The following TOM1L2 variants were observed in gnomAD, a reference collection of about 807,000 sequenced individuals.
The protein encoded by TOM1L2 is TOM1-like protein 2.
TOM1L2 carries 31 observed loss-of-function variants against 67.9 expected under a neutral mutation model. The observed-to-expected ratio is 0.46, with a 90% CI of 0.34 to 0.62. The LOEUF (loss-of-function observed/expected upper bound fraction) is 0.62, where lower values mean the gene tolerates loss of function less well. Among genes scored for constraint, TOM1L2 ranks in the 20% least tolerant of loss-of-function variants. The probability of loss-of-function intolerance (pLI) is 0.01; values close to 1 mark genes in which losing one functional copy is unlikely to be tolerated. For synonymous variants in TOM1L2, 256 were observed against 254.0 expected, an observed-to-expected ratio of 1.01 and a Z score of -0.07; for missense variants, 606 against 663.5, an observed-to-expected ratio of 0.91 and a Z score of 0.95.
At chr17:17,929,229 A>G (rs944581078) in intron 1 of TOM1L2, among the ~76,000 whole-genome samples, 9 of 152,354 alleles carry the variant, frequency 5.9e-5, no homozygotes, top group African/African-American at 2.2e-4. Context: ...AGAAGTGGGC[A>G]GCAACACAGC....
intron 1 of TOM1L2, among the ~76,000 whole-genome samples, chr17:17,937,769 T>C (rs11078407): frequency 0.46 from 70,363 of 152,034 alleles, 17,160 homozygotes; most frequent in East Asian, 0.86. Context: ...ACACCACTCA[T>C]GCAAGAGCAT....
intron 1 of TOM1L2, among the ~76,000 whole-genome samples, chr17:17,927,227 A>C (rs2040129266): frequency 6.6e-6 from 1 of 152,232 alleles, no homozygotes; most frequent in Non-Finnish European, 1.5e-5. Flanking sequence ...GTGGAGTCCA[A>C]AGGGACAGGC....
intron 8 of TOM1L2, 155 bp downstream of exon 8, chr17:17,869,185 T>G: frequency 7.0e-7 from 1 of 1,420,706 alleles, no homozygotes; most frequent in Non-Finnish European, 9.4e-7. Flanking sequence ...GCATTTTTCC[T>G]GTCAGCCGGG....
intron 7 of TOM1L2, among the ~76,000 whole-genome samples, chr17:17,872,775 C>G (rs1413009891): frequency 1.3e-5 from 2 of 152,252 alleles, no homozygotes; most frequent in African/African-American, 2.4e-5. Flanking sequence ...GGACCCACCC[C>G]CTCCAGCAAA....
At chr17:17,929,880 C>T (rs1254640545) in intron 1 of TOM1L2, among the ~76,000 whole-genome samples, 1 of 152,174 alleles carries the variant, frequency 6.6e-6, no homozygotes, top group East Asian at 1.9e-4. Flanking sequence ...AACACTTAGA[C>T]AAGTTAAACA....
In TOM1L2 at chr17:17,935,878, G is replaced by A. The variant is rs757486987; in HGVS notation, c.53-28347C>T. Among the ~76,000 whole-genome samples, 157 of 152,276 alleles carry A rather than the reference G, an allele frequency of 1.0e-3. 1 individual carries two copies. Among genetic ancestry groups the A allele is most frequent in the Admixed American group, 1.8e-3 (28 of 15,300 alleles). On this transcript the variant is annotated intron_variant, in intron 1 of 14. Coordinates refer to ENST00000379504, the MANE Select transcript of TOM1L2 (RefSeq NM_001082968.2). ...ACCTATCAATTTAGCAAATTCTGAG[G>A]AATGACTCACACTGGTGGTGCCTGC...
intron 1 of TOM1L2, among the ~76,000 whole-genome samples, chr17:17,949,445 C>CA (rs2041092865): frequency 1.3e-5 from 2 of 152,208 alleles, no homozygotes; most frequent in Admixed American, 6.5e-5. Flanking sequence ...CCCCTTCCAG[C>CA]AGCTAGAGTC....
At chr17:17,870,044 G>A (rs1033218283) in intron 7 of TOM1L2, 2 of 152,258 alleles carry the variant, frequency 1.3e-5, no homozygotes, top group African/African-American at 4.8e-5. Flanking sequence ...ACATTAATTA[G>A]TAATAGTAAA....
At chr17:17,946,251 C>A (rs2040946267) in intron 1 of TOM1L2, among the ~76,000 whole-genome samples, 1 of 144,550 alleles carries the variant, frequency 6.9e-6, no homozygotes, top group Admixed American at 7.1e-5. Flanking sequence ...TTGAAGTGTA[C>A]AATTCAGTGG....
At chr17:17,879,524 G>A (rs548299884) in intron 7 of TOM1L2, 103 bp downstream of exon 7, 33 of 883,516 alleles carry the variant, frequency 3.7e-5, no homozygotes, top group Non-Finnish European at 5.9e-5. Context: ...CAGGGCCACT[G>A]GACCTGTCCC....
intron 1 of TOM1L2, among the ~76,000 whole-genome samples, chr17:17,943,924 A>C (rs544783375): frequency 6.6e-6 from 1 of 152,274 alleles, no homozygotes; most frequent in South Asian, 2.1e-4. Flanking sequence ...TCTTCCTTGC[A>C]CATCCCTCCC....
At chr17:17,965,144 G>C (rs1568403919) in intron 1 of TOM1L2, among the ~76,000 whole-genome samples, 1 of 151,502 alleles carries the variant, frequency 6.6e-6, no homozygotes, top group Non-Finnish European at 1.5e-5. Flanking sequence ...TAGAGAGAAT[G>C]ATCTTCTGGT....
At chr17:17,871,759 A>G (rs1225146535) in intron 7 of TOM1L2, among the ~76,000 whole-genome samples, 1 of 152,258 alleles carries the variant, frequency 6.6e-6, no homozygotes, top group Non-Finnish European at 1.5e-5. Flanking sequence ...CAGTCTTCTC[A>G]GCACTCTTCA....
intron 7 of TOM1L2, among the ~76,000 whole-genome samples, chr17:17,878,907 G>A (rs1052338150): frequency 1.3e-5 from 2 of 151,938 alleles, no homozygotes; most frequent in Non-Finnish European, 2.9e-5. Context: ...CACTGGCTCT[G>A]GACCTGGCTG....
chr17:17,863,492 A>C (rs2143742484), intron 10 of TOM1L2: 2 of 152,242 alleles, frequency 1.3e-5, no homozygotes, highest in Admixed American at 1.3e-4. Context: ...GCTCACAGGA[A>C]AAAATTTGTG....
chr17:17,854,463 T>G (rs1035473792), intron 12 of TOM1L2, among the ~76,000 whole-genome samples: 4 of 152,186 alleles, frequency 2.6e-5, no homozygotes, highest in Non-Finnish European at 4.4e-5. Flanking sequence ...CTAAGAAGGC[T>G]GTTGGCTCTG....
chr17:17,948,966 AAAGTT>A (rs1243891735), intron 1 of TOM1L2, among the ~76,000 whole-genome samples: 1 of 152,140 alleles, frequency 6.6e-6, no homozygotes, highest in Non-Finnish European at 1.5e-5. Flanking sequence ...GCAAAGCCAA[AAAGTT>A]AAGAGTGCCA....
At chr17:17,892,401 T>A (rs2038333898) in intron 4 of TOM1L2, among the ~76,000 whole-genome samples, 1 of 152,192 alleles carries the variant, frequency 6.6e-6, no homozygotes, top group Admixed American at 6.5e-5. Flanking sequence ...TTGTCTTGCC[T>A]CTGCCACAGC....
chr17:17,915,841 GTTT>G (rs34675283), intron 1 of TOM1L2, among the ~76,000 whole-genome samples: 5 of 130,330 alleles, frequency 3.8e-5, no homozygotes, highest in Admixed American at 1.5e-4. Context: ...AACTGAGTAG[GTTT>G]TTTTTTTTTT....
Sources: gnomAD v4.1 joint callset for allele counts (sites outside exome capture counted in the v4.1 genomes callset) on GRCh38, gnomAD v4.1.1 for gene constraint, MANE v1.5 for transcripts, NCBI Gene and HGNC (gene_info 2026-07-23, HGNC 2026-07-21) for gene names.